The following PCM1 variants were observed in gnomAD, a reference collection of about 807,000 sequenced individuals.
The protein encoded by PCM1 is pericentriolar material 1.
In PCM1, 157 loss-of-function variants were observed where a neutral mutation model predicts 241.9. The observed-to-expected ratio is 0.65, with a 90% CI of 0.57 to 0.74. PCM1 has a LOEUF of 0.74. Ranked by LOEUF, PCM1 falls within the 30% of genes least tolerant of loss-of-function variation. The pLI, the probability that PCM1 is intolerant of heterozygous loss-of-function variation, is 0.00. For missense variants in PCM1, 3,478 were observed against 2,360.1 expected (o/e 1.47, Z -9.81); for synonymous variants, 1,085 against 784.9 (o/e 1.38, Z -6.39).
chr8:18,011,391 C>A (rs1451625352), intron 33 of PCM1, 25 bp downstream of exon 33: 2 of 1,509,532 alleles, frequency 1.3e-6, no homozygotes, highest in Non-Finnish European at 1.8e-6. Flanking sequence ...TCTGTACTAT[C>A]TTTATACTTT....
chr8:17,947,066 T>C lies in PCM1; in HGVS notation c.784-120T>C, dbSNP rs1586374373. On this transcript the variant is annotated intron_variant, in intron 6 of 38. Transcript: ENST00000325083. Reference sequence around the variant, plus strand: ...CTTTTTTCTTGATGTCTACTAAAACTATATTTAGGGTTGTATATTTAATAA... The same window carrying C: ...CTTTTTTCTTGATGTCTACTAAAACCATATTTAGGGTTGTATATTTAATAA... The C allele has an allele frequency of 2.8e-5, 16 of 574,656 alleles. No homozygotes were observed. The East Asian group carries it at 4.7e-4, about 17-fold the overall frequency. 35.6% of individuals were successfully genotyped at this position (574,656 alleles called of 1,614,324 possible). A position where few individuals can be genotyped will look rare whatever the true frequency, so the allele number is the denominator to read the frequency against.
At chr8:17,946,803 C>T (rs2063938804) in intron 6 of PCM1, among the ~76,000 whole-genome samples, 1 of 150,778 alleles carries the variant, frequency 6.6e-6, no homozygotes, top group African/African-American at 2.5e-5. Context: ...GTATAATGTG[C>T]TCCTTTTCTG....
chr8:17,936,192 G>A lies in PCM1; in HGVS notation c.96+486G>A, dbSNP rs144261140. ...CCTCTTAGTTCCAATTTGAAATTTT[G>A]TAGTATGATTATCCTAATTTGGATT... is the stretch of plus-strand genomic sequence containing the variant. On this transcript the variant is annotated intron_variant, in intron 3 of 38. Transcript: ENST00000325083. Among the ~76,000 whole-genome samples, 512 of 152,200 alleles carry A rather than the reference G, an allele frequency of 3.4e-3. 2 individuals carry two copies. The highest frequency in any genetic ancestry group is 0.011 in the African/African-American group (475 of 41,530).
chr8:17,960,467 A>G (rs1487509471), intron 15 of PCM1, 23 bp downstream of exon 15: 10 of 1,565,128 alleles, frequency 6.4e-6, no homozygotes, highest in South Asian at 1.2e-5. Flanking sequence ...TTTATTTCTA[A>G]TTGTCTGAAA....
In PCM1 at chr8:17,934,273, T is replaced by A. The variant is rs2059830586; in HGVS notation, c.-22-1316T>A. Among the ~76,000 whole-genome samples, 4 of 151,730 alleles carry A rather than the reference T, an allele frequency of 2.6e-5. No homozygotes were observed. In the South Asian group the frequency reaches 6.2e-4, roughly 24 times the overall value. ...CTATTTATTTAATTTTTAATCTTTTTTTTTTTTGAGATGGTTTTTTGCTAG... is the reference window on the plus strand; with the variant it reads ...CTATTTATTTAATTTTTAATCTTTTATTTTTTTGAGATGGTTTTTTGCTAG... On this transcript the variant is annotated intron_variant, in intron 2 of 38. Transcript: ENST00000325083.
chr8:17,970,928 G>A (rs947346953), intron 22 of PCM1, among the ~76,000 whole-genome samples: 4 of 152,096 alleles, frequency 2.6e-5, no homozygotes, highest in Non-Finnish European at 5.9e-5. Context: ...AAATCCTGTA[G>A]TCTTATTCAG....
At chr8:18,013,920 C>G (rs767944902) in intron 34 of PCM1, 44 bp from the exon 35 acceptor site, 1 of 1,137,878 alleles carries the variant, frequency 8.8e-7, no homozygotes, top group East Asian at 2.4e-5. Context: ...TTTATAGTGA[C>G]CATATATTTC....
Position 18,009,696 on chromosome 8 carries a change from CA to C in PCM1, c.5116del (p.Arg1706GlyfsTer3). The C allele has an allele frequency of 6.6e-7, 1 of 1,514,728 alleles. No individual in the cohort carries two copies. Among genetic ancestry groups the C allele is most frequent in the Non-Finnish European group, 8.8e-7 (1 of 1,132,864 alleles). 93.8% of individuals were successfully genotyped at this position (1,514,728 alleles called of 1,614,324 possible). On this transcript the variant is annotated frameshift_variant, in exon 31 of 39. Coordinates refer to ENST00000325083, the MANE Select transcript of PCM1 (RefSeq NM_006197.4). LOFTEE classifies it high-confidence loss of function. ...NNSITVKQRC[K>X]RKIEATGVIQ... ...ATAGTATAACTGTTAAACAGAGATG[CA>C]AAAGGAAAATAGAAGCAACTGGAGT...
rs2069035242 is a variant in PCM1, at chr8:17,957,338, A to G, written c.1721A>G (p.Asp574Gly). 4 of 1,611,612 alleles carry G rather than the reference A, an allele frequency of 2.5e-6. No homozygotes were observed. Among genetic ancestry groups the G allele is most frequent in the African/African-American group, 2.7e-5 (2 of 75,018 alleles). The change falls in exon 12 of 39, where the codon GAT (aspartate) becomes GGT (glycine). Residue 574 changes from aspartate (D) to glycine (G), a missense_variant. Transcript: ENST00000325083. The stretch of plus-strand genomic sequence containing the variant: ...GCACAGTGTGTTTCTAATAATAGAG[A>G]TGGGCGAACAGTTAATTCTAATTGT... ...SNAQCVSNNR[D>G]GRTVNSNCEI...
intron 23 of PCM1, among the ~76,000 whole-genome samples, chr8:17,976,513 T>C (rs2078823473): frequency 6.6e-6 from 1 of 152,184 alleles, no homozygotes; most frequent in South Asian, 2.1e-4. Context: ...CGTCCATCCA[T>C]ATAGCAACTT....
chr8:18,013,753 T>C, intron 34 of PCM1: 2 of 511,798 alleles, frequency 3.9e-6, no homozygotes, highest in Non-Finnish European at 6.8e-6. Flanking sequence ...TTATACTGTG[T>C]GTGTGTGTTT....
Position 17,956,713 on chromosome 8 carries a change from G to A in PCM1, c.1582G>A (p.Glu528Lys). 1.2e-6 allele frequency: 2 copies of A among 1,607,356 alleles called. No homozygotes were observed. The highest frequency in any genetic ancestry group is 1.7e-6 in the Non-Finnish European group (2 of 1,175,974). Residue 528 changes from glutamate (E) to lysine (K), a missense_variant, in exon 11 of 39, where the codon GAA (glutamate) becomes AAA (lysine). Glu to Lys is a moderately conservative substitution (Grantham distance 56, BLOSUM62 1). Transcript: ENST00000325083. ...TDAVNENRKD[E>K]ETEESEYDSE... ...TGCTGTGAATGAAAACAGGAAAGATGAAGAAACTGAAGAGTCAGAATATGA... is the reference window on the plus strand; with the variant it reads ...TGCTGTGAATGAAAACAGGAAAGATAAAGAAACTGAAGAGTCAGAATATGA...
intron 18 of PCM1, among the ~76,000 whole-genome samples, chr8:17,965,253 C>G (rs1168800681): frequency 6.6e-6 from 1 of 152,132 alleles, no homozygotes; most frequent in East Asian, 1.9e-4. Flanking sequence ...CCAGAAGCTG[C>G]CTGAATTCTG....
chr8:17,933,071 T>C (rs1563637209), intron 2 of PCM1, among the ~76,000 whole-genome samples: 1 of 152,212 alleles, frequency 6.6e-6, no homozygotes, highest in Non-Finnish European at 1.5e-5. Flanking sequence ...TCTAAATGTA[T>C]CTTTTTCAAA....
At position 17,940,084 on chromosome 8, in the gene PCM1, G is replaced by A. The variant is rs527876600; in HGVS notation, c.783+223G>A. 7 of 1,581,238 alleles carry A rather than the reference G, an allele frequency of 4.4e-6. No individual in the cohort carries two copies. In the African/African-American group the frequency reaches 8.0e-5, roughly 18 times the overall value. On this transcript the variant is annotated intron_variant, in intron 6 of 38. Transcript: ENST00000325083. Reference sequence around the variant, plus strand: ...GGAGGATGTTCGGACTATAGATTCAGCTGTGGGATCTGGTTCTGTAGCTGA... The same window carrying A: ...GGAGGATGTTCGGACTATAGATTCAACTGTGGGATCTGGTTCTGTAGCTGA...
chr8:17,988,615 A>G (rs950960559), intron 26 of PCM1, among the ~76,000 whole-genome samples: 1 of 151,922 alleles, frequency 6.6e-6, no homozygotes, highest in Non-Finnish European at 1.5e-5. Flanking sequence ...ATCCCAGTAT[A>G]TATATCTGAC....
intron 2 of PCM1, among the ~76,000 whole-genome samples, chr8:17,928,971 A>G (rs1249192258): frequency 2.0e-5 from 3 of 152,094 alleles, no homozygotes; most frequent in African/African-American, 7.2e-5. Context: ...AACGTACTCA[A>G]GATACTTCTA....
At chr8:17,957,014 G>T (rs2068831167) in intron 11 of PCM1, among the ~76,000 whole-genome samples, 1 of 152,146 alleles carries the variant, frequency 6.6e-6, no homozygotes, top group African/African-American at 2.4e-5. Flanking sequence ...ATCATGAGAT[G>T]TATCTAACTT....
chr8:17,937,211 A>C lies in PCM1; in HGVS notation c.174A>C (p.Lys58Asn), dbSNP rs758355334. 3.1e-6 allele frequency: 5 copies of C among 1,605,306 alleles called. No homozygotes were observed. The highest frequency in any genetic ancestry group is 4.3e-6 in the Non-Finnish European group (5 of 1,174,548). ...AAAAGTTTGGTGTAGAAAGTGATAA[A>C]AGAGTAACCAATGATATTTCTCCGG... ...NKKKFGVESD[K>N]RVTNDISPES... is the part of the protein sequence containing the mutation. Residue 58 changes from lysine to asparagine, a missense_variant, in exon 4 of 39, where the codon AAA (lysine) becomes AAC (asparagine). Coordinates refer to ENST00000325083, the MANE Select transcript of PCM1 (RefSeq NM_006197.4).
Sources: gnomAD v4.1 joint callset for allele counts (sites outside exome capture counted in the v4.1 genomes callset) on GRCh38, gnomAD v4.1.1 for gene constraint, MANE v1.5 for transcripts, NCBI Gene and HGNC (gene_info 2026-07-23, HGNC 2026-07-21) for gene names.